Variants in TCF4 observed in about 807,000 individuals in gnomAD.
The protein encoded by TCF4 is SL3-3 enhancer factor 2.
A neutral mutation model predicts 82.1 loss-of-function variants in TCF4; 3 were observed. The ratio of observed to expected loss-of-function variants is 0.04; its 90% CI spans 0.02 to 0.09. The LOEUF (loss-of-function observed/expected upper bound fraction) is 0.09. Among genes scored for constraint, TCF4 ranks in the 10% least tolerant of loss-of-function variants. TCF4 has a pLI of 1.00. For synonymous variants in TCF4, 276 were observed against 309.6 expected (o/e 0.89, Z 1.14); for missense variants, 518 against 852.7 (o/e 0.61, Z 4.89).
At chr18:55,322,342 T>C (rs770448724) in intron 8 of TCF4, 7 of 1,014,142 alleles carry the variant, frequency 6.9e-6, no homozygotes, top group Non-Finnish European at 8.2e-6. Flanking sequence ...CTGCCATCTG[T>C]CTCTGCTGCT....
intron 2 of TCF4, among the ~76,000 whole-genome samples, chr18:55,605,720 A>G (rs1230164149): frequency 2.6e-5 from 4 of 152,232 alleles, no homozygotes; most frequent in Non-Finnish European, 5.9e-5. Context: ...ACAATCACAT[A>G]TAGTTTCACA....
rs371961991 is a variant in TCF4 at position 55,256,270 on chromosome 18, G to A, written c.1146+1045C>T. 1.8e-4 allele frequency among the ~76,000 whole-genome samples: 28 copies of A among 152,176 alleles called. No individual in the cohort carries two copies. In the South Asian group the frequency reaches 3.3e-3, roughly 18 times the overall value. On this transcript the variant is annotated intron_variant, in intron 14 of 19. Transcript: ENST00000354452. ...GCTGTGGCCCATAACTATACACCCC[G>A]TCTTTACAGTTCTATAGTTGGACGA...
At chr18:55,455,716 C>T (rs945526985) in intron 5 of TCF4, among the ~76,000 whole-genome samples, 3 of 152,132 alleles carry the variant, frequency 2.0e-5, no homozygotes, top group African/African-American at 7.2e-5. Flanking sequence ...TTGGAACTTT[C>T]AAACATCAAA....
intron 3 of TCF4, 67 bp from the exon 4 acceptor site, chr18:55,464,204 C>A: frequency 7.4e-7 from 1 of 1,345,090 alleles, no homozygotes; most frequent in Non-Finnish European, 1.1e-6. Flanking sequence ...TATGCACTTT[C>A]AAATTAATGT....
chr18:55,635,897 T>A, exon 1 of TCF4: 11 of 1,570,966 alleles, frequency 7.0e-6, no homozygotes, highest in Non-Finnish European at 9.5e-6. Flanking sequence ...TTAGAAAACA[T>A]GGTGTTGTTC....
chr18:55,440,826 G>A (rs932025422), intron 5 of TCF4, among the ~76,000 whole-genome samples: 3 of 152,112 alleles, frequency 2.0e-5, no homozygotes, highest in African/African-American at 7.2e-5. Flanking sequence ...CCTGATAGCT[G>A]GAAATTTCTT....
intron 3 of TCF4, among the ~76,000 whole-genome samples, chr18:55,564,634 T>C (rs1053733363): frequency 1.4e-4 from 22 of 152,116 alleles, no homozygotes; most frequent in African/African-American, 2.2e-4. Flanking sequence ...AGGGAAGGTA[T>C]ACATTAAGGA....
chr18:55,509,076 T>G (rs2096795671), intron 3 of TCF4, among the ~76,000 whole-genome samples: 1 of 152,148 alleles, frequency 6.6e-6, no homozygotes, highest in Non-Finnish European at 1.5e-5. Flanking sequence ...CCTTCAATAA[T>G]CCACACTAAA....
At chr18:55,558,530 C>A (rs1256364535) in intron 3 of TCF4, among the ~76,000 whole-genome samples, 1 of 152,152 alleles carries the variant, frequency 6.6e-6, no homozygotes, top group Non-Finnish European at 1.5e-5. Context: ...TTTTGAATTA[C>A]TTATGCCCAT....
chr18:55,558,125 T>C (rs1438908587), intron 3 of TCF4, among the ~76,000 whole-genome samples: 1 of 152,050 alleles, frequency 6.6e-6, no homozygotes, highest in Non-Finnish European at 1.5e-5. Flanking sequence ...GGTAGGAGGA[T>C]CACTTGAGCC....
At chr18:55,351,747 G>A (rs1470235586) in intron 6 of TCF4, 1 of 638,772 alleles carries the variant, frequency 1.6e-6, no homozygotes, top group Non-Finnish European at 1.9e-6. Context: ...GATGACATCA[G>A]AAAGATTATA....
At chr18:55,573,978 G>A (rs980735922) in intron 3 of TCF4, among the ~76,000 whole-genome samples, 2 of 151,958 alleles carry the variant, frequency 1.3e-5, no homozygotes, top group African/African-American at 4.8e-5. Flanking sequence ...TTCAAGTGTG[G>A]GGATAAAAAA....
intron 6 of TCF4, among the ~76,000 whole-genome samples, chr18:55,399,852 C>CCTCTCTCTCTCTCTCTCT (rs1569369529): frequency 1.3e-5 from 1 of 75,028 alleles, no homozygotes; most frequent in Non-Finnish European, 2.7e-5. Flanking sequence ...TCTCTCTCCC[C>CCTCTCTCTCTCTCTCTCT]ATCTCTCTCT....
upstream of TCF4, chr18:55,588,661 C>A: frequency 7.5e-7 from 1 of 1,325,686 alleles, no homozygotes. Context: ...GCTGCAAATA[C>A]ACGTGATGCA....
Position 55,366,926 on chromosome 18 carries a change from T to A in TCF4, c.370-15923A>T, listed in dbSNP as rs560386188. ...TTCCATACGTATATAAGCATGATCA[T>A]AACTATTAACAATTTTGGTTGTTCT... is the stretch of plus-strand genomic sequence containing the variant. On this transcript the variant is annotated intron_variant, in intron 6 of 19. Coordinates refer to ENST00000354452, the MANE Select transcript of TCF4 (RefSeq NM_001083962.2). Among the ~76,000 whole-genome samples the A allele has an allele frequency of 2.0e-4, 31 of 152,364 alleles. No individual in the cohort carries two copies. In the South Asian group the frequency reaches 4.6e-3, roughly 22 times the overall value.
rs1259585955 is a variant in TCF4 at position 55,585,874 on chromosome 18, C to G, written c.73-522G>C. ...ATTTGAAGCAAGACTCTCTCTCTCT[C>G]TCACTCTCACTCTCTCTTTCACTCC... On this transcript the variant is annotated intron_variant, in intron 2 of 19. Coordinates refer to ENST00000354452, the MANE Select transcript of TCF4 (RefSeq NM_001083962.2). 3 of 1,192,572 alleles carry G rather than the reference C, an allele frequency of 2.5e-6. No individual in the cohort carries two copies. The African/African-American group carries it at 4.6e-5, about 18-fold the overall frequency. 73.9% of individuals were successfully genotyped at this position (1,192,572 alleles called of 1,614,324 possible). A position where few individuals can be genotyped will look rare whatever the true frequency, so the allele number is the denominator to read the frequency against.
intron 5 of TCF4, chr18:55,404,049 T>A (rs2093968395): frequency 8.9e-7 from 1 of 1,128,836 alleles, no homozygotes; most frequent in Non-Finnish European, 1.1e-6. Context: ...AACCCCATCA[T>A]GATCAAGATG....
At chr18:55,279,903 C>A (rs1444739800) in intron 8 of TCF4, among the ~76,000 whole-genome samples, 1 of 152,128 alleles carries the variant, frequency 6.6e-6, no homozygotes, top group Non-Finnish European at 1.5e-5. Context: ...TGATGTAAAC[C>A]ATGTCTAGTT....
rs1450199332 is a variant in TCF4 at position 55,223,353 on chromosome 18, C to G, written c.*4682G>C. On this transcript the variant is annotated 3_prime_UTR_variant, in exon 20 of 20. Transcript: ENST00000354452. The stretch of plus-strand genomic sequence containing the variant: ...TTGTTTGTTAAGCTGTCAATACCTC[C>G]AACACTTGGAAAATGAAATATAGAT... 2 of 152,436 alleles carry G rather than the reference C, an allele frequency of 1.3e-5. No individual in the cohort carries two copies. The highest frequency in any genetic ancestry group is 2.9e-5 in the Non-Finnish European group (2 of 68,008). The allele number at this position is 152,436 out of a possible 1,614,324, so 9.4% of individuals were successfully genotyped here. A position where few individuals can be genotyped will look rare whatever the true frequency, so the allele number is the denominator to read the frequency against.
Sources: allele counts gnomAD v4.1 joint callset (sites outside exome capture counted in the v4.1 genomes callset), GRCh38; gene constraint gnomAD v4.1.1; transcripts MANE v1.5; gene names NCBI Gene and HGNC (gene_info 2026-07-23, HGNC 2026-07-21).